Variants in COL5A1 observed in about 807,000 individuals in gnomAD.
The protein encoded by COL5A1 is collagen alpha-1(V) chain.
Under a neutral mutation model 263.7 loss-of-function variants are expected in COL5A1, and 16 were observed. That is an observed-to-expected ratio of 0.06 (90% CI 0.04 to 0.09). The LOEUF is 0.09. COL5A1 is among the 10% of genes least tolerant of loss of function. COL5A1 has a pLI of 1.00. For missense variants in COL5A1, 2,036 were observed against 2,540.5 expected, an observed-to-expected ratio of 0.80 and a Z score of 4.27; for synonymous variants, 1,012 against 1,004.5, an observed-to-expected ratio of 1.01 and a Z score of -0.14.
chr9:134,643,250 C>A (rs1168312743), intron 1 of COL5A1, among the ~76,000 whole-genome samples: 1 of 151,426 alleles, frequency 6.6e-6, no homozygotes, highest in East Asian at 2.0e-4. Flanking sequence ...GACTCTCGAA[C>A]ATCAGAGCCC....
intron 18 of COL5A1, among the ~76,000 whole-genome samples, chr9:134,759,058 C>A (rs989327458): frequency 2.0e-5 from 3 of 152,072 alleles, no homozygotes; most frequent in African/African-American, 7.3e-5. Context: ...CTTTCTCAGC[C>A]CATTTGGGGG....
chr9:134,842,294 C>T lies in COL5A1; in HGVS notation c.5508C>T (p.Phe1836=). ...KFGFEVGPAC[F]MG Reference sequence around the variant, plus strand: ...GATTTGAAGTGGGGCCGGCTTGCTTCATGGGCTAGGAGCCGCCGAGCCCGG... The same window carrying T: ...GATTTGAAGTGGGGCCGGCTTGCTTTATGGGCTAGGAGCCGCCGAGCCCGG... The change falls in exon 66 of 66, where the codon TTC becomes TTT. Residue 1836 remains phenylalanine, a synonymous_variant. Transcript: ENST00000371817. The surrounding 1 kb of genome is among the most constrained non-coding windows in gnomAD (Gnocchi z 5.8). 1.2e-6 allele frequency: 2 copies of T among 1,614,188 alleles called. No homozygotes were observed. The highest frequency in any genetic ancestry group is 8.5e-7 in the Non-Finnish European group (1 of 1,180,018).
intron 28 of COL5A1, among the ~76,000 whole-genome samples, chr9:134,781,869 C>T (rs532498324): frequency 7.9e-4 from 121 of 152,318 alleles, no homozygotes; most frequent in Non-Finnish European, 9.4e-4. Context: ...TTGCGTGTGC[C>T]CCCAGCCGGG....
At chr9:134,829,484 C>T (rs1473242983) in intron 63 of COL5A1, among the ~76,000 whole-genome samples, 5 of 151,050 alleles carry the variant, frequency 3.3e-5, no homozygotes, top group African/African-American at 4.9e-5. Context: ...GGGCCCAGGC[C>T]GGGCTCCTCA....
At chr9:134,766,938 AC>A in intron 22 of COL5A1, 61 bp from the exon 23 acceptor site, 1 of 1,493,140 alleles carries the variant, frequency 6.7e-7, no homozygotes, top group South Asian at 1.2e-5. Context: ...GGCACACGAC[AC>A]CCAGGAAGGG....
intron 9 of COL5A1, among the ~76,000 whole-genome samples, chr9:134,736,078 G>T (rs1835088570): frequency 6.6e-6 from 1 of 150,692 alleles, no homozygotes; most frequent in Non-Finnish European, 1.5e-5. Flanking sequence ...GAACTGGCTG[G>T]ACATCTGCAG....
At chr9:134,666,042 G>A (rs138179398) in intron 1 of COL5A1, among the ~76,000 whole-genome samples, 2,578 of 152,116 alleles carry the variant, frequency 0.017, 71 homozygotes, top group African/African-American at 0.057. Flanking sequence ...AGCCGAGATC[G>A]CGCCACTGCA....
At chr9:134,693,156 A>G (rs1483560343) in intron 2 of COL5A1, among the ~76,000 whole-genome samples, 1 of 151,920 alleles carries the variant, frequency 6.6e-6, no homozygotes, top group Admixed American at 6.6e-5. Context: ...CTCAGCAGGG[A>G]CCCCATCCCT....
chr9:134,662,045 C>T (rs1042469742), intron 1 of COL5A1, among the ~76,000 whole-genome samples: 1 of 151,918 alleles, frequency 6.6e-6, no homozygotes, highest in Non-Finnish European at 1.5e-5. Context: ...TTCCGTAATC[C>T]AGCCCTCCCT....
At chr9:134,751,095 T>C (rs529939846) in intron 13 of COL5A1, among the ~76,000 whole-genome samples, 7 of 144,046 alleles carry the variant, frequency 4.9e-5, no homozygotes, top group South Asian at 4.6e-4. Flanking sequence ...CAGTAGGGGC[T>C]CTGAGAGCAT....
intron 1 of COL5A1, among the ~76,000 whole-genome samples, chr9:134,663,408 C>T (rs1010863226): frequency 1.3e-5 from 2 of 152,162 alleles, no homozygotes; most frequent in Non-Finnish European, 2.9e-5. Context: ...GTTCAGAGGC[C>T]TCGGGAGTCT....
At chr9:134,665,557 T>C (rs930792270) in intron 1 of COL5A1, among the ~76,000 whole-genome samples, 1 of 152,234 alleles carries the variant, frequency 6.6e-6, no homozygotes, top group Non-Finnish European at 1.5e-5. Context: ...GTGTAGTTTC[T>C]GTAGAGTGGA....
chr9:134,802,743 G>A (rs771714763), intron 38 of COL5A1, 145 bp from the exon 39 acceptor site: 48 of 701,836 alleles, frequency 6.8e-5, no homozygotes, highest in Non-Finnish European at 1.2e-4. Context: ...GGGAAGAGAA[G>A]GCTTGCAAAG....
intron 1 of COL5A1, among the ~76,000 whole-genome samples, chr9:134,676,514 C>A (rs1176160758): frequency 6.6e-6 from 1 of 151,582 alleles, no homozygotes; most frequent in East Asian, 1.9e-4. Flanking sequence ...ACAGAGCAAG[C>A]CTTTCTGTAG....
At chr9:134,691,681 A>G (rs1257513255) in intron 2 of COL5A1, 1 of 157,408 alleles carries the variant, frequency 6.4e-6, no homozygotes, top group Non-Finnish European at 1.4e-5. Flanking sequence ...GCCACAGTTA[A>G]TTAAACCCTC....
Position 134,674,346 on chromosome 9 carries a change from G to A in COL5A1, c.110-16566G>A, listed in dbSNP as rs77149507. ...CATGAGTGCCCGAACAGGGTGGCAC[G>A]AAAGCACTGTGCTAAGCGAGAGAAG... On this transcript the variant is annotated intron_variant, in intron 1 of 65. Transcript: ENST00000371817. Among the ~76,000 whole-genome samples the A allele has an allele frequency of 5.0e-3, 762 of 152,308 alleles. 7 individuals carry two copies. Among genetic ancestry groups the A allele is most frequent in the African/African-American group, 0.017 (718 of 41,564 alleles).
chr9:134,685,509 A>ACCAT (rs1178190575), intron 1 of COL5A1, among the ~76,000 whole-genome samples: 15 of 58,688 alleles, frequency 2.6e-4, no homozygotes, highest in African/African-American at 8.7e-4. Context: ...TCCATCCATC[A>ACCAT]CCATCCATCC....
Position 134,756,787 on chromosome 9 carries a change from C to G in COL5A1, c.1850C>G (p.Ala617Gly). 1.2e-6 allele frequency: 2 copies of G among 1,613,984 alleles called. No individual in the cohort carries two copies. Among genetic ancestry groups the G allele is most frequent in the Admixed American group, 1.7e-5 (1 of 60,016 alleles). ...CAGGGTCGGGCTGGGAGTGATGGAG[C>G]CAGAGGAATGCCTGGACAAACTGGC... ...GRRGRAGSDGARGMPGQTGPK... is the reference protein window; with the variant it reads ...GRRGRAGSDGGRGMPGQTGPK... Residue 617 changes from alanine (A) to glycine (G), a missense_variant, in exon 17 of 66, where the codon GCC (alanine) becomes GGC (glycine). Transcript: ENST00000371817.
At chr9:134,802,754 G>A (rs979311950) in intron 38 of COL5A1, 134 bp from the exon 39 acceptor site, 1 of 721,788 alleles carries the variant, frequency 1.4e-6, no homozygotes, top group South Asian at 1.5e-5. Context: ...GCTTGCAAAG[G>A]CACTTGGAGG....
Sources: allele counts gnomAD v4.1 joint callset (sites outside exome capture counted in the v4.1 genomes callset), GRCh38; gene constraint gnomAD v4.1.1; non-coding constraint Gnocchi (gnomAD v3.1); transcripts MANE v1.5; gene names NCBI Gene and HGNC (gene_info 2026-07-23, HGNC 2026-07-21).